Variants in RBM6 observed in about 807,000 individuals in gnomAD.
RBM6 encodes RNA binding motif protein 6.
In RBM6, 23 loss-of-function variants were observed where a neutral mutation model predicts 140.4. That is an observed-to-expected ratio of 0.16 (90% CI 0.12 to 0.23). The LOEUF (loss-of-function observed/expected upper bound fraction) is 0.23. RBM6 is among the 10% of genes least tolerant of loss of function. The pLI is 1.00. For synonymous variants in RBM6, 439 were observed against 475.6 expected (o/e 0.92, Z 1.00); for missense variants, 1,139 against 1,386.7 (o/e 0.82, Z 2.84).
intron 20 of RBM6, 68 bp downstream of exon 20, chr3:50,075,398 C>G: frequency 1.3e-6 from 2 of 1,570,960 alleles, no homozygotes; most frequent in South Asian, 2.3e-5. Flanking sequence ...ACTTTCTGGC[C>G]TAGAGTGATG....
chr3:49,941,144 C>G (rs2083265685), intron 1 of RBM6: 1 of 152,024 alleles, frequency 6.6e-6, no homozygotes, highest in African/African-American at 2.4e-5. Context: ...AAATATGTCA[C>G]CATTACTGAA....
intron 1 of RBM6, among the ~76,000 whole-genome samples, chr3:49,947,273 G>T (rs1292105066): frequency 1.1e-5 from 1 of 94,718 alleles, no homozygotes; most frequent in African/African-American, 3.2e-5. Flanking sequence ...GGGGGGGGGG[G>T]GGGGTTTTGA....
intron 1 of RBM6, among the ~76,000 whole-genome samples, chr3:49,943,671 C>G (rs1220386056): frequency 6.6e-6 from 1 of 152,056 alleles, no homozygotes; most frequent in African/African-American, 2.4e-5. Flanking sequence ...CTATGCTGGT[C>G]TCAAACTCCT....
intron 5 of RBM6, chr3:49,981,457 C>T (rs1255753697): frequency 6.6e-6 from 1 of 152,156 alleles, no homozygotes; most frequent in East Asian, 1.9e-4. Flanking sequence ...ACCCTGAGGA[C>T]CACTGGCAGT....
At chr3:50,063,451 A>C (rs2108928000) in intron 15 of RBM6, among the ~76,000 whole-genome samples, 1 of 152,142 alleles carries the variant, frequency 6.6e-6, no homozygotes, top group East Asian at 1.9e-4. Flanking sequence ...AATACAAAAA[A>C]AATTAGCCTA....
chr3:49,993,884 G>T (rs1386186648), intron 5 of RBM6, among the ~76,000 whole-genome samples: 1 of 152,086 alleles, frequency 6.6e-6, no homozygotes, highest in Non-Finnish European at 1.5e-5. Context: ...AGAGGTTGCA[G>T]TGGGCCGAGA....
intron 4 of RBM6, among the ~76,000 whole-genome samples, chr3:49,974,693 T>C (rs1297870219): frequency 7.0e-6 from 1 of 142,392 alleles, no homozygotes; most frequent in Admixed American, 7.1e-5. Flanking sequence ...TTTTTTTTTT[T>C]TTTTTTTTTT....
chr3:49,963,416 A>G (rs1477248842), intron 2 of RBM6, among the ~76,000 whole-genome samples: 3 of 151,980 alleles, frequency 2.0e-5, no homozygotes, highest in Non-Finnish European at 2.9e-5. Flanking sequence ...TTATTTTAAT[A>G]TTAAAAAATA....
intron 2 of RBM6, among the ~76,000 whole-genome samples, chr3:49,965,373 TAAG>T (rs2084459201): frequency 1.3e-5 from 2 of 152,200 alleles, no homozygotes; most frequent in African/African-American, 4.8e-5. Flanking sequence ...TTGTATTGCC[TAAG>T]AAGAACATCT....
intron 6 of RBM6, among the ~76,000 whole-genome samples, chr3:50,036,532 A>T (rs1173745341): frequency 1.3e-5 from 2 of 152,346 alleles, no homozygotes; most frequent in East Asian, 3.9e-4. Context: ...TAAAAAAAAA[A>T]AAGTTAAGAT....
intron 6 of RBM6, among the ~76,000 whole-genome samples, chr3:50,006,630 G>T (rs1194964310): frequency 6.6e-6 from 1 of 151,994 alleles, no homozygotes; most frequent in East Asian, 1.9e-4. Flanking sequence ...TGCATGTAAG[G>T]TGATTAGAAC....
intron 2 of RBM6, among the ~76,000 whole-genome samples, chr3:49,966,422 G>A (rs1575569168): frequency 6.6e-6 from 1 of 152,232 alleles, no homozygotes; most frequent in East Asian, 1.9e-4. Context: ...AACTAGTTTA[G>A]GGAATCTTGG....
chr3:50,061,824 A>C, intron 14 of RBM6, 138 bp from the exon 15 acceptor site: 1 of 1,305,590 alleles, frequency 7.7e-7, no homozygotes, highest in East Asian at 2.5e-5. Flanking sequence ...GTGGGTTTTT[A>C]GATTGATGTG....
At chr3:50,040,974 G>A (rs1339944496) in intron 6 of RBM6, among the ~76,000 whole-genome samples, 1 of 152,120 alleles carries the variant, frequency 6.6e-6, no homozygotes, top group African/African-American at 2.4e-5. Context: ...CCTGACTTCT[G>A]CCAGCTCTGA....
chr3:49,957,607 A>G (rs1235972794), intron 1 of RBM6, among the ~76,000 whole-genome samples: 4 of 152,198 alleles, frequency 2.6e-5, no homozygotes, highest in African/African-American at 4.8e-5. Context: ...CTTAAGTTCC[A>G]TAGTATACAA....
At chr3:49,964,139 T>C (rs2084405370) in intron 2 of RBM6, among the ~76,000 whole-genome samples, 1 of 152,062 alleles carries the variant, frequency 6.6e-6, no homozygotes, top group South Asian at 2.1e-4. Flanking sequence ...ACTCCTGACC[T>C]CAAGTGATCC....
intron 6 of RBM6, among the ~76,000 whole-genome samples, chr3:50,006,459 A>C (rs2086579597): frequency 6.6e-6 from 1 of 152,124 alleles, no homozygotes; most frequent in Non-Finnish European, 1.5e-5. Context: ...TCGACTGGAC[A>C]TGAAGCAGTA....
At chr3:49,961,153 C>CTG (rs2084264444) in intron 1 of RBM6, among the ~76,000 whole-genome samples, 1 of 152,138 alleles carries the variant, frequency 6.6e-6, no homozygotes, top group Admixed American at 6.6e-5. Context: ...TCTTGGCTGA[C>CTG]TGTAGCCTCC....
chr3:50,018,161 C>T (rs2087267156), intron 6 of RBM6, among the ~76,000 whole-genome samples: 1 of 152,208 alleles, frequency 6.6e-6, no homozygotes, highest in Non-Finnish European at 1.5e-5. Context: ...CCTAGAAACC[C>T]TCTTTTCTCC....
Sources: allele counts gnomAD v4.1 joint callset (sites outside exome capture counted in the v4.1 genomes callset), GRCh38; gene constraint gnomAD v4.1.1; transcripts MANE v1.5; gene names NCBI Gene and HGNC (gene_info 2026-07-23, HGNC 2026-07-21).